FLI1: variants seen among roughly 807,000 people sequenced by gnomAD.
FLI1 encodes Fli-1 proto-oncogene, ETS transcription factor, also known as Friend leukemia integration 1 transcription factor.
Under a neutral mutation model 53.1 loss-of-function variants are expected in FLI1, and 13 were observed. The observed-to-expected ratio is 0.24, with a 90% CI of 0.16 to 0.39. FLI1 has a LOEUF of 0.39. Among genes scored for constraint, FLI1 ranks in the 10% least tolerant of loss-of-function variants. The pLI, the probability that FLI1 is intolerant of heterozygous loss-of-function variation, is 1.00. For missense variants in FLI1, 424 were observed against 600.5 expected, an observed-to-expected ratio of 0.71 and a Z score of 3.07; for synonymous variants, 244 against 236.7, an observed-to-expected ratio of 1.03 and a Z score of -0.28.
chr11:128,702,214 A>G (rs1215090127), intron 1 of FLI1, among the ~76,000 whole-genome samples: 3 of 152,244 alleles, frequency 2.0e-5, no homozygotes, highest in Admixed American at 2.0e-4. Flanking sequence ...GAATAATATT[A>G]CCAGGCACCA....
At chr11:128,762,406 C>T (rs1219931485) in intron 2 of FLI1, among the ~76,000 whole-genome samples, 2 of 152,132 alleles carry the variant, frequency 1.3e-5, no homozygotes, top group Non-Finnish European at 2.9e-5. Flanking sequence ...AATGCAGCAG[C>T]CACTAGCCAC....
chr11:128,750,135 T>C (rs1940580742), intron 1 of FLI1, among the ~76,000 whole-genome samples: 1 of 152,234 alleles, frequency 6.6e-6, no homozygotes, highest in Non-Finnish European at 1.5e-5. Flanking sequence ...CCCTGGGTAA[T>C]GGATATGCCA....
intron 5 of FLI1, among the ~76,000 whole-genome samples, chr11:128,784,072 A>G (rs1942006928): frequency 6.6e-6 from 1 of 152,214 alleles, no homozygotes; most frequent in South Asian, 2.1e-4. Flanking sequence ...AGTTTCTCCA[A>G]CACTTCAGGC....
chr11:128,716,117 C>A (rs962722499), intron 1 of FLI1, among the ~76,000 whole-genome samples: 3 of 152,186 alleles, frequency 2.0e-5, no homozygotes, highest in Non-Finnish European at 4.4e-5. Context: ...GAAATGGAGG[C>A]ACATTGGCTG....
chr11:128,699,618 C>T (rs1591731253), intron 1 of FLI1, among the ~76,000 whole-genome samples: 2 of 152,164 alleles, frequency 1.3e-5, no homozygotes, highest in African/African-American at 2.4e-5. Flanking sequence ...ATATCTATAG[C>T]GTTCTTCCCA....
intron 1 of FLI1, among the ~76,000 whole-genome samples, chr11:128,738,212 C>G (rs1306617375): frequency 1.3e-5 from 2 of 152,142 alleles, no homozygotes; most frequent in Non-Finnish European, 2.9e-5. Context: ...ACTCAAGACC[C>G]GCTACCTGGG....
rs1221603763 is a variant in FLI1 at position 128,712,485 on chromosome 11, G to A, written c.18+18209G>A. The stretch of plus-strand genomic sequence containing the variant: ...TGTATTAGTCTGTTTTCACATTGCT[G>A]GTAAAGATATACCCGAGATGGGGCA... On this transcript the variant is annotated intron_variant, in intron 1 of 8. Transcript: ENST00000527786. 6.4e-4 allele frequency among the ~76,000 whole-genome samples: 98 copies of A among 152,160 alleles called. 1 individual carries two copies. Among genetic ancestry groups the A allele is most frequent in the Non-Finnish European group, 1.3e-4 (9 of 68,034 alleles).
intron 7 of FLI1, among the ~76,000 whole-genome samples, chr11:128,808,542 G>A (rs559340169): frequency 6.6e-6 from 1 of 152,308 alleles, no homozygotes; most frequent in South Asian, 2.1e-4. Context: ...TCTGGCTTGT[G>A]TGACATTTCA....
chr11:128,693,162 G>C (rs1171984647), upstream of FLI1: 1 of 152,430 alleles, frequency 6.6e-6, no homozygotes, highest in Non-Finnish European at 1.5e-5. Flanking sequence ...TGGGGGTTTG[G>C]CTCGAGAAGA....
chr11:128,795,841 C>T (rs1162314097), intron 5 of FLI1, among the ~76,000 whole-genome samples: 5 of 152,208 alleles, frequency 3.3e-5, no homozygotes, highest in South Asian at 2.1e-4. Flanking sequence ...TGAGCCACTG[C>T]GCCCAGCCCT....
upstream of FLI1, chr11:128,691,722 A>T (rs1003063254): frequency 3.3e-5 from 5 of 152,626 alleles, no homozygotes; most frequent in South Asian, 4.1e-4. Flanking sequence ...ATATTGAATA[A>T]TTCCAGTGGG....
intron 1 of FLI1, among the ~76,000 whole-genome samples, chr11:128,700,285 G>A (rs746805498): frequency 1.3e-4 from 20 of 152,194 alleles, no homozygotes; most frequent in Non-Finnish European, 2.6e-4. Flanking sequence ...AAGTTCAGAG[G>A]AGTGAGGTAA....
At chr11:128,760,878 C>A (rs1941089935) in intron 2 of FLI1, among the ~76,000 whole-genome samples, 1 of 152,124 alleles carries the variant, frequency 6.6e-6, no homozygotes, top group Non-Finnish European at 1.5e-5. Context: ...CTCCTTACCT[C>A]CACTGCCCCT....
At chr11:128,783,622 A>G (rs1941992841) in intron 5 of FLI1, among the ~76,000 whole-genome samples, 1 of 152,218 alleles carries the variant, frequency 6.6e-6, no homozygotes, top group Non-Finnish European at 1.5e-5. Flanking sequence ...GAGAAAATAC[A>G]TTTTAGTGGC....
At chr11:128,739,715 ACT>A (rs886629646) in intron 1 of FLI1, among the ~76,000 whole-genome samples, 1 of 150,824 alleles carries the variant, frequency 6.6e-6, no homozygotes, top group Non-Finnish European at 1.5e-5. Flanking sequence ...CAAAGTGAAA[ACT>A]CTATTTTACT....
intron 1 of FLI1, among the ~76,000 whole-genome samples, chr11:128,724,275 T>C (rs989706880): frequency 1.5e-4 from 23 of 152,136 alleles, no homozygotes; most frequent in African/African-American, 5.1e-4. Flanking sequence ...ACTCAGAATT[T>C]ACCAGACAGG....
intron 1 of FLI1, among the ~76,000 whole-genome samples, chr11:128,725,143 G>T (rs1031993281): frequency 6.6e-6 from 1 of 152,174 alleles, no homozygotes; most frequent in East Asian, 1.9e-4. Flanking sequence ...TGAGTAGTTT[G>T]TTCTGATTTC....
At chr11:128,714,496 C>A (rs976981300) in intron 1 of FLI1, among the ~76,000 whole-genome samples, 2 of 152,090 alleles carry the variant, frequency 1.3e-5, no homozygotes, top group African/African-American at 4.8e-5. Flanking sequence ...CTGAGGAAAC[C>A]CTCTGGTCTA....
At chr11:128,766,934 T>C (rs1306710615) in intron 2 of FLI1, among the ~76,000 whole-genome samples, 1 of 121,666 alleles carries the variant, frequency 8.2e-6, no homozygotes, top group Non-Finnish European at 2.0e-5. Context: ...CTGCTCAGTA[T>C]AATGGCGGCT....
Sources: allele counts gnomAD v4.1 joint callset (sites outside exome capture counted in the v4.1 genomes callset), GRCh38; gene constraint gnomAD v4.1.1; transcripts MANE v1.5; gene names NCBI Gene and HGNC (gene_info 2026-07-23, HGNC 2026-07-21).